NISCH: variants seen among roughly 807,000 people sequenced by gnomAD.
The protein encoded by NISCH is I-1 receptor candidate protein.
In NISCH, 55 loss-of-function variants were observed where a neutral mutation model predicts 138.4. The observed-to-expected ratio is 0.40, with a 90% CI of 0.32 to 0.50. NISCH has a LOEUF of 0.50. Ranked by LOEUF, NISCH falls within the 20% of genes least tolerant of loss-of-function variation. NISCH has a pLI of 0.71. For synonymous variants in NISCH, 860 were observed against 861.5 expected (o/e 1.00, Z 0.03); for missense variants, 1,643 against 2,005.5 (o/e 0.82, Z 3.45).
chr3:52,491,885 C>A lies in NISCH; in HGVS notation c.3918C>A (p.Asn1306Lys), dbSNP rs1707574423. 1 of 1,595,456 alleles carries A rather than the reference C, an allele frequency of 6.3e-7. No individual in the cohort carries two copies. The highest frequency in any genetic ancestry group is 1.7e-5 in the Admixed American group (1 of 59,250). ...FGNKTTGKMENYELIHSSRVK... is the reference protein window; with the variant it reads ...FGNKTTGKMEKYELIHSSRVK... ...ATCTCTCTGCAGGGAAGATGGAGAA[C>A]TACGAGCTGATCCACTCTAGTCGCG... The change falls in exon 21 of 21, where the codon AAC (asparagine) becomes AAA (lysine). Residue 1306 changes from asparagine (N) to lysine (K), a missense_variant. By Grantham distance (94) the Asn-to-Lys change is moderately conservative. Coordinates refer to ENST00000345716, the MANE Select transcript of NISCH (RefSeq NM_007184.4).
rs775754105 is a variant in NISCH, at chr3:52,455,728, T to G, written c.87T>G (p.Thr29=). ...TCGTGGGCTCGGAGCTTGTGGACAC[T>G]TATACGGTGTGTTGGGGGCGCGGGC... ...ARVVGSELVD[T]YTVYIIQVTD... Residue 29 remains threonine, a synonymous_variant, in exon 1 of 21, where the codon ACT becomes ACG. Coordinates refer to ENST00000345716, the MANE Select transcript of NISCH (RefSeq NM_007184.4). The G allele has an allele frequency of 7.3e-7, 1 of 1,362,778 alleles. No individual in the cohort carries two copies. The highest frequency in any genetic ancestry group is 9.5e-7 in the Non-Finnish European group (1 of 1,047,234). 84.4% of individuals were successfully genotyped at this position (1,362,778 alleles called of 1,614,324 possible). A position where few individuals can be genotyped will look rare whatever the true frequency, so the allele number is the denominator to read the frequency against.
At chr3:52,489,923 C>T in intron 17 of NISCH, 152 bp from the exon 18 acceptor site, 1 of 1,217,306 alleles carries the variant, frequency 8.2e-7, no homozygotes, top group South Asian at 1.5e-5. Flanking sequence ...CAGCCATCTC[C>T]CACCCCTCTC....
intron 3 of NISCH, among the ~76,000 whole-genome samples, chr3:52,465,410 G>A (rs1578280284): frequency 6.6e-6 from 1 of 152,194 alleles, no homozygotes; most frequent in Non-Finnish European, 1.5e-5. Context: ...GTTTACAGGC[G>A]TGAGCCACCA....
intron 5 of NISCH, 100 bp downstream of exon 5, chr3:52,472,077 A>T: frequency 7.5e-7 from 1 of 1,331,144 alleles, no homozygotes; most frequent in Non-Finnish European, 1.0e-6. Flanking sequence ...ACCATGGGGG[A>T]CTGTTGGTGG....
intron 3 of NISCH, among the ~76,000 whole-genome samples, chr3:52,460,438 A>AT (rs1218736948): frequency 7.2e-6 from 1 of 139,528 alleles, no homozygotes; most frequent in East Asian, 2.1e-4. Context: ...GTCTCACTCC[A>AT]TTGCTCAGGC....
Position 52,491,830 on chromosome 3 carries a change from G to C in NISCH, c.3905-42G>C. ...CCCTTGGTGCTCCCAGCCCCACCAG[G>C]GGCCGGTTCCAGGCTATAGCCCAGG... On this transcript the variant is annotated intron_variant, in intron 20 of 20. Transcript: ENST00000345716. 2 of 1,530,118 alleles carry C rather than the reference G, an allele frequency of 1.3e-6. 1 individual carries two copies. The highest frequency in any genetic ancestry group is 2.6e-5 in the South Asian group (2 of 78,060). The allele number at this position is 1,530,118 out of a possible 1,614,324, so 94.8% of individuals were successfully genotyped here. A position where few individuals can be genotyped will look rare whatever the true frequency, so the allele number is the denominator to read the frequency against.
intron 13 of NISCH, chr3:52,480,918 C>T (rs1405740375): frequency 7.2e-6 from 11 of 1,533,732 alleles, no homozygotes; most frequent in Admixed American, 5.9e-5. Flanking sequence ...GTCTCATGAG[C>T]GTGTCTGCTG....
rs769717111 is a variant in NISCH at position 52,493,040 on chromosome 3, A to G, written c.*558A>G. ...GTGATTCCTGCTGCCTGTATTCTCT[A>G]TTCCAATAAAGCAGAGTTTGACACC... On this transcript the variant is annotated 3_prime_UTR_variant, in exon 21 of 21. Coordinates refer to ENST00000345716, the MANE Select transcript of NISCH (RefSeq NM_007184.4). 6 of 156,682 alleles carry G rather than the reference A, an allele frequency of 3.8e-5. No individual in the cohort carries two copies. The highest frequency in any genetic ancestry group is 5.7e-5 in the Non-Finnish European group (4 of 70,780). 9.7% of individuals were successfully genotyped at this position (156,682 alleles called of 1,614,324 possible). A position where few individuals can be genotyped will look rare whatever the true frequency, so the allele number is the denominator to read the frequency against.
At chr3:52,462,085 C>T (rs995560006) in intron 3 of NISCH, among the ~76,000 whole-genome samples, 7 of 152,064 alleles carry the variant, frequency 4.6e-5, no homozygotes, top group South Asian at 4.2e-4. Context: ...TGCCTGGGGC[C>T]GGCTACATCT....
intron 20 of NISCH, 161 bp from the exon 21 acceptor site, chr3:52,491,711 C>G (rs1707569675): frequency 2.8e-6 from 3 of 1,084,494 alleles, no homozygotes; most frequent in African/African-American, 3.2e-5. Context: ...AGACACATCT[C>G]CAGTGCCTGC....
chr3:52,471,316 G>C (rs779060142), intron 4 of NISCH: 24 of 281,812 alleles, frequency 8.5e-5, no homozygotes, highest in Non-Finnish European at 1.4e-4. Context: ...GGAAGGATAC[G>C]GGGTCAGCGG....
In NISCH at chr3:52,492,486, A is replaced by G; in HGVS notation, c.*4A>G. The G allele has an allele frequency of 6.3e-7, 1 of 1,588,040 alleles. No individual in the cohort carries two copies. On this transcript the variant is annotated 3_prime_UTR_variant, in exon 21 of 21. Coordinates refer to ENST00000345716, the MANE Select transcript of NISCH (RefSeq NM_007184.4). ...GCCTGTCGAGCTCACCGGCTAGCCC[A>G]GGCCACAGCCAGCCTGTCGTGTCCA...
At chr3:52,484,462 T>TTGGCCCGCCC in intron 13 of NISCH, 51 bp from the exon 14 acceptor site, 1 of 788,670 alleles carries the variant, frequency 1.3e-6, no homozygotes. Context: ...ACAGCCGCTC[T>TTGGCCCGCCC]CCCCGCCCCA....
chr3:52,455,741 TG>T lies in NISCH; in HGVS notation c.93+12del. ...GCTTGTGGACACTTATACGGTGTGT[TG>T]GGGGCGCGGGCACCCGAAGCGGGGG... On this transcript the variant is annotated splice_region_variant and intron_variant, in intron 1 of 20. Transcript: ENST00000345716. The T allele has an allele frequency of 7.4e-7, 1 of 1,349,110 alleles. No individual in the cohort carries two copies. The highest frequency in any genetic ancestry group is 2.2e-5 in the South Asian group (1 of 44,658). 83.6% of individuals were successfully genotyped at this position (1,349,110 alleles called of 1,614,324 possible). A position where few individuals can be genotyped will look rare whatever the true frequency, so the allele number is the denominator to read the frequency against.
intron 13 of NISCH, among the ~76,000 whole-genome samples, chr3:52,482,320 G>T (rs1360692008): frequency 6.6e-6 from 1 of 152,188 alleles, no homozygotes; most frequent in Admixed American, 6.5e-5. Context: ...TGAAGGGGGC[G>T]CTGTCCAGAC....
At chr3:52,473,701 C>T in intron 6 of NISCH, 33 bp from the exon 7 acceptor site, 2 of 1,473,950 alleles carry the variant, frequency 1.4e-6, no homozygotes, top group Non-Finnish European at 1.9e-6. Flanking sequence ...AGCAAGGATT[C>T]TGTTTCTGAG....
chr3:52,484,462 T>TTGGGGCCCCCC, intron 13 of NISCH, 51 bp from the exon 14 acceptor site: 17 of 788,668 alleles, frequency 2.2e-5, no homozygotes, highest in Admixed American at 3.4e-5. Context: ...ACAGCCGCTC[T>TTGGGGCCCCCC]CCCCGCCCCA....
In NISCH at chr3:52,491,504, A is replaced by G. The variant is rs759900591; in HGVS notation, c.3895A>G (p.Lys1299Glu). 26 of 1,611,712 alleles carry G rather than the reference A, an allele frequency of 1.6e-5. No homozygotes were observed. Among genetic ancestry groups the G allele is most frequent in the Non-Finnish European group, 2.0e-5 (24 of 1,179,232 alleles). The change falls in exon 20 of 21, where the codon AAG becomes GAG. Residue 1299 changes from lysine to glutamate, a missense_variant. By Grantham distance (56) the Lys-to-Glu change is moderately conservative. Transcript: ENST00000345716. ...DKDFYSEFGN[K>E]TTGKMENYEL... is the part of the protein sequence containing the mutation. ...GGACTTCTACTCCGAGTTTGGGAAC[A>G]AGACCACAGGTACCCCTGTCTAGCT...
intron 4 of NISCH, chr3:52,471,216 C>T: frequency 2.1e-6 from 1 of 478,284 alleles, no homozygotes; most frequent in South Asian, 3.1e-5. Context: ...GGGTCCCATC[C>T]CTGCCAGAGA....
Sources: allele counts gnomAD v4.1 joint callset (sites outside exome capture counted in the v4.1 genomes callset), GRCh38; gene constraint gnomAD v4.1.1; transcripts MANE v1.5; gene names NCBI Gene and HGNC (gene_info 2026-07-23, HGNC 2026-07-21).